The following NRXN1 variants were observed in gnomAD, a reference collection of about 807,000 sequenced individuals.
NRXN1 encodes the protein neurexin 1.
In NRXN1, 39 loss-of-function variants were observed where a neutral mutation model predicts 150.9. That is an observed-to-expected ratio of 0.26 (90% CI 0.20 to 0.34). The LOEUF (loss-of-function observed/expected upper bound fraction) is 0.34, where lower values mean the gene tolerates loss of function less well. Among genes scored for constraint, NRXN1 ranks in the 10% least tolerant of loss-of-function variants. NRXN1 has a pLI of 1.00. For synonymous variants in NRXN1, 924 were observed against 757.0 expected (o/e 1.22, Z -3.62); for missense variants, 1,815 against 1,949.9 (o/e 0.93, Z 1.30).
At chr2:50,232,909 A>G (rs1396508884) in intron 18 of NRXN1, among the ~76,000 whole-genome samples, 1 of 152,092 alleles carries the variant, frequency 6.6e-6, no homozygotes. Flanking sequence ...ACCAATTCTT[A>G]GTTGAAGATT....
At chr2:50,377,887 G>A (rs1315575450) in intron 17 of NRXN1, among the ~76,000 whole-genome samples, 2 of 152,152 alleles carry the variant, frequency 1.3e-5, no homozygotes, top group Non-Finnish European at 2.9e-5. Context: ...GGAAGGAGGG[G>A]AATTGCAGTT....
Position 50,703,014 on chromosome 2 carries a change from C to T in NRXN1, c.833-79399G>A, listed in dbSNP as rs149666680. Among the ~76,000 whole-genome samples the T allele has an allele frequency of 4.9e-3, 741 of 152,126 alleles. 8 individuals are homozygous for T. Among genetic ancestry groups the T allele is most frequent in the African/African-American group, 0.017 (703 of 41,542 alleles). On this transcript the variant is annotated intron_variant, in intron 5 of 22. Coordinates refer to ENST00000401669, the MANE Select transcript of NRXN1 (RefSeq NM_001330078.2). ...CCAGTGAGAGAAAAGTAACACCTAA[C>T]GAACAGACAAACAAACACAAAAACT... is the stretch of plus-strand genomic sequence containing the variant.
intron 17 of NRXN1, among the ~76,000 whole-genome samples, chr2:50,309,393 G>C (rs2074972107): frequency 6.6e-6 from 1 of 152,092 alleles, no homozygotes; most frequent in South Asian, 2.1e-4. Context: ...GAAGGCCTTG[G>C]TCTCCTTTAT....
chr2:50,889,063 TTCA>T (rs1458012556), intron 5 of NRXN1, among the ~76,000 whole-genome samples: 1 of 151,730 alleles, frequency 6.6e-6, no homozygotes, highest in East Asian at 1.9e-4. Flanking sequence ...ACAGCATATT[TTCA>T]TCATGTTTAA....
chr2:50,695,466 T>G (rs1331557894), intron 5 of NRXN1, among the ~76,000 whole-genome samples: 1 of 152,158 alleles, frequency 6.6e-6, no homozygotes, highest in African/African-American at 2.4e-5. Context: ...CTATTAACTA[T>G]GGGTAATCCC....
intron 2 of NRXN1, chr2:50,979,312 T>A (rs755126046): frequency 5.8e-6 from 3 of 515,108 alleles, no homozygotes; most frequent in Non-Finnish European, 7.7e-6. Context: ...CCATGGACAA[T>A]GTGACAGCAA....
At position 50,532,373 on chromosome 2, in the gene NRXN1, T is replaced by C. The variant is rs1428673314; in HGVS notation, c.2144-943A>G. On this transcript the variant is annotated intron_variant, in intron 10 of 22. Transcript: ENST00000401669. The stretch of plus-strand genomic sequence containing the variant: ...TTTTAAAAGAAAAAAAAAAGAAATA[T>C]AGCTTAACTATAGGAACTAGGCCAA... Among the ~76,000 whole-genome samples the C allele has an allele frequency of 6.0e-5, 5 of 82,842 alleles. No homozygotes were observed. The South Asian group carries it at 1.6e-3, about 27-fold the overall frequency. The allele number at this position is 82,842 out of a possible 152,430, so 54.3% of individuals were successfully genotyped here. A position where few individuals can be genotyped will look rare whatever the true frequency, so the allele number is the denominator to read the frequency against.
intron 2 of NRXN1, among the ~76,000 whole-genome samples, chr2:50,976,948 C>T (rs932263851): frequency 6.6e-6 from 1 of 151,952 alleles, no homozygotes; most frequent in Non-Finnish European, 1.5e-5. Flanking sequence ...GTCAAAGATG[C>T]CTTCTTATGC....
chr2:50,441,187 C>T (rs780009035), intron 17 of NRXN1, among the ~76,000 whole-genome samples: 3 of 151,880 alleles, frequency 2.0e-5, no homozygotes, highest in Non-Finnish European at 4.4e-5. Context: ...AATGTTAATC[C>T]CCGTGATTCA....
chr2:50,109,433 T>C (rs1263751038), intron 18 of NRXN1, among the ~76,000 whole-genome samples: 3 of 152,122 alleles, frequency 2.0e-5, no homozygotes, highest in Admixed American at 1.3e-4. Context: ...AGCCACAAAT[T>C]GAAAATTTAG....
chr2:50,314,089 G>A (rs1454301588), intron 17 of NRXN1, among the ~76,000 whole-genome samples: 2 of 152,104 alleles, frequency 1.3e-5, no homozygotes, highest in Admixed American at 6.6e-5. Flanking sequence ...TGCTGAAGAT[G>A]AGAGCTTCAG....
At chr2:50,083,400 G>A (rs982681113) in intron 19 of NRXN1, among the ~76,000 whole-genome samples, 2 of 152,100 alleles carry the variant, frequency 1.3e-5, no homozygotes, top group African/African-American at 4.8e-5. Flanking sequence ...TCTTTTAACA[G>A]AAAATAAAAA....
chr2:50,070,805 G>A (rs1052883388), intron 19 of NRXN1, among the ~76,000 whole-genome samples: 2 of 148,900 alleles, frequency 1.3e-5, no homozygotes, highest in African/African-American at 2.5e-5. Context: ...AATTGGCTCA[G>A]TGTAACTCAG....
chr2:50,099,952 A>G (rs1224748977), intron 18 of NRXN1, among the ~76,000 whole-genome samples: 1 of 152,116 alleles, frequency 6.6e-6, no homozygotes, highest in Non-Finnish European at 1.5e-5. Context: ...TCTCAATATT[A>G]TGGTTCTAGG....
At chr2:50,493,820 CACAA>C (rs1275154723) in intron 15 of NRXN1, among the ~76,000 whole-genome samples, 3 of 152,272 alleles carry the variant, frequency 2.0e-5, no homozygotes, top group South Asian at 2.1e-4. Flanking sequence ...ATGGGAAATT[CACAA>C]ACAATTTTAA....
At chr2:50,145,107 T>G (rs1271901330) in intron 18 of NRXN1, among the ~76,000 whole-genome samples, 1 of 151,714 alleles carries the variant, frequency 6.6e-6, no homozygotes, top group Non-Finnish European at 1.5e-5. Context: ...AAGCATATTT[T>G]TAGTATTTAC....
intron 5 of NRXN1, among the ~76,000 whole-genome samples, chr2:50,827,420 C>T (rs1670604552): frequency 6.6e-6 from 1 of 152,064 alleles, no homozygotes; most frequent in Non-Finnish European, 1.5e-5. Context: ...GGGAAATATG[C>T]CCTGACACTT....
rs553416376 is a variant in NRXN1 at position 50,598,087 on chromosome 2, C to A, written c.1320+21935G>T. Among the ~76,000 whole-genome samples the A allele has an allele frequency of 2.0e-5, 3 of 151,738 alleles. No individual in the cohort carries two copies. In the South Asian group the frequency reaches 6.3e-4, roughly 32 times the overall value. ...CCGGGAGGAGGAGGTTGCAGTGAGC[C>A]AAGATGTGCCATTGCACTCCAGCCT... On this transcript the variant is annotated intron_variant, in intron 8 of 22. Transcript: ENST00000401669.
chr2:50,839,641 T>C (rs879806791), intron 5 of NRXN1, among the ~76,000 whole-genome samples: 16 of 152,202 alleles, frequency 1.1e-4, no homozygotes, highest in Admixed American at 3.3e-4. Context: ...GAATAATACA[T>C]CAATTCAACA....
Sources: allele counts gnomAD v4.1 joint callset (sites outside exome capture counted in the v4.1 genomes callset), GRCh38; gene constraint gnomAD v4.1.1; transcripts MANE v1.5; gene names NCBI Gene and HGNC (gene_info 2026-07-23, HGNC 2026-07-21).